Variants in SNX29 observed in about 807,000 individuals in gnomAD.
SNX29 encodes sorting nexin 29.
Under a neutral mutation model 102.1 loss-of-function variants are expected in SNX29, and 78 were observed. The ratio of observed to expected loss-of-function variants is 0.76; its 90% CI spans 0.64 to 0.92. The LOEUF is 0.92. Among genes scored for constraint, SNX29 ranks in the 40% least tolerant of loss-of-function variants. The probability of loss-of-function intolerance (pLI) is 0.00; values close to 1 mark genes in which losing one functional copy is unlikely to be tolerated. For synonymous variants in SNX29, 580 were observed against 414.5 expected, an observed-to-expected ratio of 1.40 and a Z score of -4.85; for missense variants, 1,280 against 1,061.7, an observed-to-expected ratio of 1.21 and a Z score of -2.86.
chr16:12,435,736 A>G (rs2085504297), intron 18 of SNX29, among the ~76,000 whole-genome samples: 1 of 152,142 alleles, frequency 6.6e-6, no homozygotes. Flanking sequence ...CCCAGCTGGA[A>G]TGTTGTTACC....
At chr16:12,048,169 G>C (rs1202188370) in intron 6 of SNX29, among the ~76,000 whole-genome samples, 1 of 150,264 alleles carries the variant, frequency 6.7e-6, no homozygotes. Context: ...TTTTTTTGAG[G>C]CAGAGTCTTG....
intron 13 of SNX29, 77 bp from the exon 14 acceptor site, chr16:12,199,524 C>G: frequency 7.8e-7 from 1 of 1,275,486 alleles, no homozygotes; most frequent in Non-Finnish European, 1.1e-6. Context: ...AAATTCACCA[C>G]CCACCCCTGC....
At chr16:12,103,811 T>C (rs780979812) in intron 11 of SNX29, among the ~76,000 whole-genome samples, 5 of 152,158 alleles carry the variant, frequency 3.3e-5, no homozygotes, top group African/African-American at 1.2e-4. Context: ...AGGGCTAATA[T>C]CCAGACTCTA....
chr16:12,151,397 C>A (rs1283168697), intron 13 of SNX29, among the ~76,000 whole-genome samples: 7 of 152,094 alleles, frequency 4.6e-5, no homozygotes, highest in Non-Finnish European at 1.0e-4. Context: ...TGAGTGGGTT[C>A]TGATTTTACT....
chr16:12,017,351 AC>A (rs1449226089), intron 3 of SNX29, among the ~76,000 whole-genome samples: 1 of 151,358 alleles, frequency 6.6e-6, no homozygotes, highest in Non-Finnish European at 1.5e-5. Context: ...ACTGTATTTC[AC>A]CCTTTTGTGG....
At chr16:12,539,183 C>G (rs934897106) in intron 20 of SNX29, among the ~76,000 whole-genome samples, 1 of 152,202 alleles carries the variant, frequency 6.6e-6, no homozygotes, top group African/African-American at 2.4e-5. Flanking sequence ...AATTTAAACA[C>G]ATGCATAGAT....
intron 15 of SNX29, among the ~76,000 whole-genome samples, chr16:12,332,827 G>T (rs539350675): frequency 2.0e-5 from 3 of 152,086 alleles, no homozygotes; most frequent in African/African-American, 4.8e-5. Flanking sequence ...CTTTCATTTC[G>T]TCTTGGCTGC....
intron 13 of SNX29, among the ~76,000 whole-genome samples, chr16:12,131,828 G>A (rs556922675): frequency 9.0e-4 from 137 of 152,270 alleles, no homozygotes; most frequent in South Asian, 7.5e-3. Flanking sequence ...TTGAATGTTG[G>A]CGCTATGATC....
At chr16:12,001,094 G>C (rs778946649) in intron 2 of SNX29, among the ~76,000 whole-genome samples, 2 of 152,158 alleles carry the variant, frequency 1.3e-5, no homozygotes, top group Non-Finnish European at 2.9e-5. Flanking sequence ...GAGAAATAAA[G>C]TGGAGCTTAT....
At chr16:12,037,384 C>A (rs1218291809) in intron 4 of SNX29, among the ~76,000 whole-genome samples, 1 of 152,118 alleles carries the variant, frequency 6.6e-6, no homozygotes, top group African/African-American at 2.4e-5. Context: ...TGCGAAGAGA[C>A]CCTGTGGTCC....
chr16:12,349,425 A>G (rs2081930430), intron 15 of SNX29, among the ~76,000 whole-genome samples: 2 of 152,360 alleles, frequency 1.3e-5, no homozygotes, highest in East Asian at 1.9e-4. Context: ...TCAAGGCTAA[A>G]TGGACACTGT....
chr16:12,314,704 T>G (rs958874623), intron 15 of SNX29, among the ~76,000 whole-genome samples: 1 of 152,246 alleles, frequency 6.6e-6, no homozygotes, highest in Non-Finnish European at 1.5e-5. Context: ...TTGGTGGATT[T>G]TATAACACTA....
intron 14 of SNX29, among the ~76,000 whole-genome samples, chr16:12,212,131 G>C (rs2077201837): frequency 1.3e-5 from 2 of 152,174 alleles, no homozygotes; most frequent in African/African-American, 4.8e-5. Flanking sequence ...AGCTAGCCCA[G>C]AGACGCCTGC....
chr16:12,546,131 A>T (rs965851034), intron 20 of SNX29, among the ~76,000 whole-genome samples: 15 of 152,164 alleles, frequency 9.9e-5, no homozygotes, highest in Non-Finnish European at 1.5e-5. Context: ...CCCATCCACA[A>T]AACAGAGCTA....
intron 18 of SNX29, among the ~76,000 whole-genome samples, chr16:12,463,741 A>G (rs1253177883): frequency 6.6e-6 from 1 of 152,084 alleles, no homozygotes; most frequent in African/African-American, 2.4e-5. Context: ...GGCATACAAC[A>G]TGATGGTTTG....
intron 11 of SNX29, chr16:12,087,478 A>T: frequency 4.3e-6 from 1 of 230,884 alleles, no homozygotes. Context: ...ATGTCTGTGG[A>T]CTCAGCTTCT....
intron 20 of SNX29, among the ~76,000 whole-genome samples, chr16:12,553,854 T>A (rs2078150685): frequency 6.6e-6 from 1 of 152,070 alleles, no homozygotes; most frequent in Non-Finnish European, 1.5e-5. Flanking sequence ...CCGAAAGTGC[T>A]GGGATTTCAG....
At chr16:12,450,014 GGTGA>G (rs2086235230) in intron 18 of SNX29, among the ~76,000 whole-genome samples, 1 of 152,190 alleles carries the variant, frequency 6.6e-6, no homozygotes, top group Non-Finnish European at 1.5e-5. Context: ...TTGTTATGAT[GGTGA>G]GTAATTCTCA....
intron 15 of SNX29, among the ~76,000 whole-genome samples, chr16:12,348,585 G>A (rs1425527714): frequency 2.6e-5 from 4 of 152,122 alleles, no homozygotes; most frequent in Non-Finnish European, 4.4e-5. Flanking sequence ...TTACCTTTGA[G>A]ATGCTCCCAG....
Sources: allele counts gnomAD v4.1 joint callset (sites outside exome capture counted in the v4.1 genomes callset), GRCh38; gene constraint gnomAD v4.1.1; transcripts MANE v1.5; gene names NCBI Gene and HGNC (gene_info 2026-07-23, HGNC 2026-07-21).